Variants in RIMS2 observed in about 807,000 individuals in gnomAD.
The protein encoded by RIMS2 is regulating synaptic membrane exocytosis 2.
Under a neutral mutation model 174.4 loss-of-function variants are expected in RIMS2, and 59 were observed. That is an observed-to-expected ratio of 0.34 (90% CI 0.27 to 0.42). The LOEUF (loss-of-function observed/expected upper bound fraction) is 0.42. Ranked by LOEUF, RIMS2 falls within the 10% of genes least tolerant of loss-of-function variation. The probability of loss-of-function intolerance (pLI) is 1.00; values close to 1 mark genes in which losing one functional copy is unlikely to be tolerated. For missense variants in RIMS2, 1,620 were observed against 1,666.3 expected (o/e 0.97, Z 0.48); for synonymous variants, 606 against 572.5 (o/e 1.06, Z -0.84).
At chr8:103,930,059 AT>A (rs2079600251) in intron 11 of RIMS2, among the ~76,000 whole-genome samples, 1 of 152,034 alleles carries the variant, frequency 6.6e-6, no homozygotes, top group Non-Finnish European at 1.5e-5. Context: ...ATTAATCACA[AT>A]TTGAGAAATA....
intron 1 of RIMS2, among the ~76,000 whole-genome samples, chr8:103,672,717 A>G (rs1004961254): frequency 2.0e-5 from 3 of 152,122 alleles, no homozygotes; most frequent in African/African-American, 4.8e-5. Flanking sequence ...ACAATTCTAC[A>G]TGAGATTTGG....
At chr8:103,718,636 A>G (rs2097403333) in intron 2 of RIMS2, among the ~76,000 whole-genome samples, 1 of 151,276 alleles carries the variant, frequency 6.6e-6, no homozygotes, top group African/African-American at 2.4e-5. Flanking sequence ...ACTGTTTTTG[A>G]CTCTGCTCAA....
chr8:104,248,926 TC>T, intron 21 of RIMS2, 113 bp downstream of exon 27: 1 of 532,342 alleles, frequency 1.9e-6, no homozygotes, highest in East Asian at 3.1e-5. Context: ...CCTCTCTCTC[TC>T]CCTCTATTTT....
intron 3 of RIMS2, among the ~76,000 whole-genome samples, chr8:103,874,967 T>C (rs973105514): frequency 6.6e-6 from 1 of 152,056 alleles, no homozygotes; most frequent in Non-Finnish European, 1.5e-5. Flanking sequence ...TTTTTGTTTG[T>C]TTGTTTGTTT....
intron 3 of RIMS2, among the ~76,000 whole-genome samples, chr8:103,834,766 CTCTT>C (rs1416936246): frequency 2.2e-5 from 3 of 137,824 alleles, no homozygotes; most frequent in African/African-American, 5.4e-5. Flanking sequence ...TTTTCTCTCT[CTCTT>C]TCTGTCTTTC....
At chr8:104,118,040 C>T (rs1199911669) in intron 19 of RIMS2, among the ~76,000 whole-genome samples, 1 of 152,118 alleles carries the variant, frequency 6.6e-6, no homozygotes, top group Non-Finnish European at 1.5e-5. Context: ...CTTCTATTGG[C>T]ATTGACAACT....
At chr8:104,253,837 T>A (rs944698873), downstream of RIMS2, 1 of 152,222 alleles carries the variant, frequency 6.6e-6, no homozygotes, top group African/African-American at 2.4e-5. Context: ...ACTATCATGC[T>A]TGATACGGTG....
At chr8:103,595,759 T>TA (rs1455097278) in intron 1 of RIMS2, among the ~76,000 whole-genome samples, 2 of 151,962 alleles carry the variant, frequency 1.3e-5, no homozygotes, top group Non-Finnish European at 2.9e-5. Flanking sequence ...TTGCTAACCT[T>TA]AGTGATTTAC....
chr8:103,914,564 G>A (rs894309846), intron 6 of RIMS2, among the ~76,000 whole-genome samples: 1 of 152,072 alleles, frequency 6.6e-6, no homozygotes, highest in African/African-American at 2.4e-5. Context: ...GTCAATAAGA[G>A]CTATACATAT....
chr8:104,030,695 C>T (rs1230546214), intron 19 of RIMS2, among the ~76,000 whole-genome samples: 5 of 152,124 alleles, frequency 3.3e-5, no homozygotes, highest in African/African-American at 4.8e-5. Flanking sequence ...CTTTAAATAA[C>T]CATATGGCTA....
At chr8:103,925,070 TTTTAATTAG>T (rs2078497610) in intron 10 of RIMS2, among the ~76,000 whole-genome samples, 1 of 151,614 alleles carries the variant, frequency 6.6e-6, no homozygotes, top group South Asian at 2.1e-4. Flanking sequence ...TTCTTAATAG[TTTTAATTAG>T]TTTGTAGTCT....
At chr8:104,173,783 C>T (rs546973996) in intron 19 of RIMS2, among the ~76,000 whole-genome samples, 2 of 151,080 alleles carry the variant, frequency 1.3e-5, no homozygotes, top group Admixed American at 6.6e-5. Flanking sequence ...CACCCGCCAC[C>T]ATGCCTGGCT....
intron 3 of RIMS2, among the ~76,000 whole-genome samples, chr8:103,876,864 T>TTTTA (rs1378279723): frequency 0.012 from 828 of 67,606 alleles, 8 homozygotes; most frequent in Non-Finnish European, 0.018. Flanking sequence ...ACACACTATT[T>TTTTA]TATATATATA....
At chr8:103,984,663 T>C (rs1397517904) in intron 16 of RIMS2, among the ~76,000 whole-genome samples, 1 of 152,144 alleles carries the variant, frequency 6.6e-6, no homozygotes, top group East Asian at 1.9e-4. Flanking sequence ...AAACTAAAAA[T>C]AGAGCTACCA....
At chr8:103,837,940 CTTTT>C (rs34876587) in intron 3 of RIMS2, among the ~76,000 whole-genome samples, 1 of 135,734 alleles carries the variant, frequency 7.4e-6, no homozygotes. Flanking sequence ...CTTTCTTTCT[CTTTT>C]TTTTTTTTTT....
At chr8:104,223,908 T>G in intron 19 of RIMS2, 2 of 813,394 alleles carry the variant, frequency 2.5e-6, no homozygotes, top group East Asian at 5.8e-5. Flanking sequence ...CCCTCTGCTC[T>G]CCGGGACTGT....
intron 19 of RIMS2, among the ~76,000 whole-genome samples, chr8:104,155,578 T>C (rs916834134): frequency 7.9e-5 from 12 of 151,352 alleles, no homozygotes; most frequent in Non-Finnish European, 4.4e-5. Context: ...CATGCCCGGC[T>C]AATTTTTTGT....
chr8:103,910,126 T>A (rs1473042105), intron 4 of RIMS2, 195 bp from the exon 8 acceptor site: 1 of 1,589,968 alleles, frequency 6.3e-7, no homozygotes, highest in Admixed American at 1.7e-5. Context: ...TTTGTCTGAC[T>A]CTCACAGGAG....
Position 103,825,446 on chromosome 8 carries a change from A to ATTTT in RIMS2, c.698+58924_698+58927dup, listed in dbSNP as rs35460743. 2.6e-3 allele frequency among the ~76,000 whole-genome samples: 348 copies of ATTTT among 131,812 alleles called. 5 individuals carry two copies. Among genetic ancestry groups the ATTTT allele is most frequent in the African/African-American group, 8.5e-3 (295 of 34,872 alleles). 86.5% of individuals were successfully genotyped at this position (131,812 alleles called of 152,430 possible). A position where few individuals can be genotyped will look rare whatever the true frequency, so the allele number is the denominator to read the frequency against. ...AGGCATGTGCCACAATGGCTAGCTA[A>ATTTT]TTTTTTTTTTTTTTTTTTGTTAGAG... On this transcript the variant is annotated intron_variant, in intron 3 of 23. Coordinates refer to ENST00000504942, the Ensembl canonical transcript of RIMS2.
Sources: allele counts gnomAD v4.1 joint callset (sites outside exome capture counted in the v4.1 genomes callset), GRCh38; gene constraint gnomAD v4.1.1; transcripts MANE v1.5; gene names NCBI Gene and HGNC (gene_info 2026-07-23, HGNC 2026-07-21).